OSGIN2: variants seen among roughly 807,000 people sequenced by gnomAD.
OSGIN2 encodes the protein oxidative stress induced growth inhibitor family member 2.
In OSGIN2, 19 loss-of-function variants were observed where a neutral mutation model predicts 53.8. That is an observed-to-expected ratio of 0.35 (90% CI 0.25 to 0.52). The LOEUF is 0.52. Among genes scored for constraint, OSGIN2 ranks in the 20% least tolerant of loss-of-function variants. The probability of loss-of-function intolerance (pLI) is 0.95; values close to 1 mark genes in which losing one functional copy is unlikely to be tolerated. For synonymous variants in OSGIN2, 236 were observed against 236.0 expected (o/e 1.00, Z 0.00); for missense variants, 520 against 662.7 (o/e 0.78, Z 2.36).
At position 89,925,991 on chromosome 8, in the gene OSGIN2, C is replaced by G. The variant is rs1809323146; in HGVS notation, c.*459C>G. On this transcript the variant is annotated 3_prime_UTR_variant, in exon 6 of 6. Transcript: ENST00000451899. Reference sequence around the variant, plus strand: ...CTGTAGCTTGTTAGAAATGTAAACTCTCAGGCCCCACAACTTACTTCCTGC... The same window carrying G: ...CTGTAGCTTGTTAGAAATGTAAACTGTCAGGCCCCACAACTTACTTCCTGC... The G allele has an allele frequency of 6.4e-6, 1 of 156,994 alleles. No homozygotes were observed. The highest frequency in any genetic ancestry group is 6.1e-5 in the Admixed American group (1 of 16,414). 9.7% of individuals were successfully genotyped at this position (156,994 alleles called of 1,614,324 possible).
intron 4 of OSGIN2, among the ~76,000 whole-genome samples, chr8:89,917,055 TGGC>T (rs1313737699): frequency 1.3e-5 from 2 of 152,234 alleles, no homozygotes; most frequent in Admixed American, 6.5e-5. Flanking sequence ...ACTGAATCTG[TGGC>T]ACCTAATTCA....
chr8:89,918,411 C>T (rs1809126515), intron 4 of OSGIN2, among the ~76,000 whole-genome samples: 1 of 152,152 alleles, frequency 6.6e-6, no homozygotes, highest in African/African-American at 2.4e-5. Context: ...AATGATCCTC[C>T]TGCCTTAGCC....
In OSGIN2 at chr8:89,912,614, C is replaced by T. The variant is rs538716036; in HGVS notation, c.200-1463C>T. On this transcript the variant is annotated intron_variant, in intron 2 of 5. Transcript: ENST00000451899. ...TACAAAAATAAGCTGGGTGTGGTGT[C>T]GTGTACCTCTAGTCCTAGCTACTTG... 2.5e-3 allele frequency among the ~76,000 whole-genome samples: 378 copies of T among 151,952 alleles called. 1 individual carries two copies. Among genetic ancestry groups the T allele is most frequent in the African/African-American group, 8.4e-3 (347 of 41,444 alleles).
intron 4 of OSGIN2, among the ~76,000 whole-genome samples, chr8:89,916,030 CAAGAT>C (rs3837212): frequency 0.038 from 5,827 of 152,112 alleles, 164 homozygotes; most frequent in South Asian, 0.1. Flanking sequence ...ACCACCAATA[CAAGAT>C]AAGAAAGAAT....
Position 89,927,116 on chromosome 8 carries a change from TTGCC to T in OSGIN2, c.*1591_*1594del, listed in dbSNP as rs1563483025. On this transcript the variant is annotated 3_prime_UTR_variant, in exon 6 of 6. Coordinates refer to ENST00000451899, the MANE Select transcript of OSGIN2 (RefSeq NM_001126111.3). ...TGACTGCACTTGCTTCAGTACTCTC[TTGCC>T]TGCCTGTTTTTGACCTCTGCATGAG... The T allele has an allele frequency of 6.6e-6, 1 of 152,180 alleles. No individual in the cohort carries two copies. Among genetic ancestry groups the T allele is most frequent in the African/African-American group, 2.4e-5 (1 of 41,452 alleles). 9.4% of individuals were successfully genotyped at this position (152,180 alleles called of 1,614,324 possible).
chr8:89,917,399 C>G (rs555055343), intron 4 of OSGIN2, among the ~76,000 whole-genome samples: 6 of 152,196 alleles, frequency 3.9e-5, no homozygotes, highest in Non-Finnish European at 1.5e-5. Flanking sequence ...CCTTACTTAC[C>G]CAGCCCAGCT....
At chr8:89,917,774 TC>T (rs1164905711) in intron 4 of OSGIN2, among the ~76,000 whole-genome samples, 1 of 152,128 alleles carries the variant, frequency 6.6e-6, no homozygotes, top group East Asian at 1.9e-4. Flanking sequence ...TGATGCAAAT[TC>T]TTTTTTTTTA....
chr8:89,914,525 T>A (rs368313326), intron 3 of OSGIN2, 30 bp from the exon 4 acceptor site: 15 of 1,577,886 alleles, frequency 9.5e-6, no homozygotes, highest in African/African-American at 1.4e-5. Context: ...CTGGCTTTTT[T>A]CAAACTCTGT....
In OSGIN2 at chr8:89,917,796, A is replaced by C. The variant is rs60102648; in HGVS notation, c.528+3050A>C. The stretch of plus-strand genomic sequence containing the variant: ...AATTCTTTTTTTTTAATCCCCTGTT[A>C]TAATGGAAGAGATATTACTACTAAG... On this transcript the variant is annotated intron_variant, in intron 4 of 5. Transcript: ENST00000451899. Among the ~76,000 whole-genome samples the C allele has an allele frequency of 0.017, 2,521 of 152,266 alleles. 179 individuals are homozygous for C. In the East Asian group the frequency reaches 0.2, roughly 12 times the overall value.
rs895605879 is a variant in OSGIN2 at position 89,926,840 on chromosome 8, G to T, written c.*1308G>T. On this transcript the variant is annotated 3_prime_UTR_variant, in exon 6 of 6. Coordinates refer to ENST00000451899, the MANE Select transcript of OSGIN2 (RefSeq NM_001126111.3). ...TTCTTAGAATTAAAAGTGGATTAAT[G>T]TGGGTTTTTCTGTTCATTTTATTGC... The T allele has an allele frequency of 2.0e-5, 3 of 152,126 alleles. No homozygotes were observed. Among genetic ancestry groups the T allele is most frequent in the Admixed American group, 2.0e-4 (3 of 15,262 alleles). 9.4% of individuals were successfully genotyped at this position (152,126 alleles called of 1,614,324 possible).
At chr8:89,909,037 A>AAT (rs1252373741) in intron 1 of OSGIN2, among the ~76,000 whole-genome samples, 1,703 of 84,550 alleles carry the variant, frequency 0.02, 21 homozygotes, top group South Asian at 0.027. Flanking sequence ...AAAAAAAAAA[A>AAT]ATATATATAT....
intron 4 of OSGIN2, among the ~76,000 whole-genome samples, chr8:89,918,570 C>T (rs895007197): frequency 1.3e-5 from 2 of 152,326 alleles, no homozygotes; most frequent in Non-Finnish European, 2.9e-5. Flanking sequence ...CAATGGCTTG[C>T]ATATTGATAT....
At position 89,924,973 on chromosome 8, in the gene OSGIN2, C is replaced by T. The variant is rs1809286404; in HGVS notation, c.1091C>T (p.Ala364Val). ...ACTGCCGCTGACGCAGTACTGTGTG[C>T]TTACAACAGTAATATCCCTGTGATT... The part of the protein sequence containing the change: ...GLTAADAVLC[A>V]YNSNIPVIHV... The change falls in exon 6 of 6, where the codon GCT (alanine) becomes GTT (valine). Residue 364 changes from alanine (A) to valine (V), a missense_variant. Transcript: ENST00000451899. 1.2e-6 allele frequency: 2 copies of T among 1,613,826 alleles called. No homozygotes were observed. Among genetic ancestry groups the T allele is most frequent in the African/African-American group, 1.3e-5 (1 of 75,058 alleles).
intron 4 of OSGIN2, among the ~76,000 whole-genome samples, chr8:89,919,420 T>C (rs1323329588): frequency 6.6e-6 from 1 of 152,234 alleles, no homozygotes; most frequent in African/African-American, 2.4e-5. Context: ...GTCAGTCATA[T>C]AGGCCAGCAG....
intron 1 of OSGIN2, among the ~76,000 whole-genome samples, chr8:89,903,607 C>G (rs2223009): frequency 0.43 from 65,529 of 152,036 alleles, 18,636 homozygotes; most frequent in African/African-American, 0.8. Flanking sequence ...TTGATCAAGC[C>G]TTCCTAAATA....
intron 2 of OSGIN2, 90 bp from the exon 3 acceptor site, chr8:89,913,987 A>G (rs1809023643): frequency 1.9e-6 from 2 of 1,069,334 alleles, no homozygotes; most frequent in East Asian, 2.4e-5. Flanking sequence ...CTGGTCAGAG[A>G]AAAGAGCCAT....
chr8:89,924,474 A>T, intron 5 of OSGIN2, 29 bp from the exon 6 acceptor site: 1 of 1,481,800 alleles, frequency 6.7e-7, no homozygotes, highest in Non-Finnish European at 9.2e-7. Context: ...TAGTATCCTT[A>T]TAGGATATTT....
intron 1 of OSGIN2, among the ~76,000 whole-genome samples, chr8:89,906,609 C>G (rs1808843573): frequency 6.6e-6 from 1 of 152,182 alleles, no homozygotes; most frequent in Non-Finnish European, 1.5e-5. Context: ...AGGACCTGAT[C>G]TCATTCTTTT....
At chr8:89,906,243 C>A (rs1585997381) in intron 1 of OSGIN2, among the ~76,000 whole-genome samples, 1 of 152,112 alleles carries the variant, frequency 6.6e-6, no homozygotes, top group African/African-American at 2.4e-5. Context: ...GAAGAATTGT[C>A]TTGGGCCACA....
Sources: allele counts gnomAD v4.1 joint callset (sites outside exome capture counted in the v4.1 genomes callset), GRCh38; gene constraint gnomAD v4.1.1; transcripts MANE v1.5; gene names NCBI Gene and HGNC (gene_info 2026-07-23, HGNC 2026-07-21).